LRRC37A2: variants seen among roughly 807,000 people sequenced by gnomAD.
The protein encoded by LRRC37A2 is leucine-rich repeat-containing protein 37A2.
LRRC37A2 carries 9 observed loss-of-function variants against 68.8 expected under a neutral mutation model. That is an observed-to-expected ratio of 0.13 (90% CI 0.08 to 0.23). The LOEUF is 0.23. Among genes scored for constraint, LRRC37A2 ranks in the 10% least tolerant of loss-of-function variants. The pLI, the probability that LRRC37A2 is intolerant of heterozygous loss-of-function variation, is 1.00. For synonymous variants in LRRC37A2, 63 were observed against 367.6 expected (o/e 0.17, Z 9.48); for missense variants, 168 against 950.4 (o/e 0.18, Z 10.82).
chr17:46,744,162 A>G, the LRRC37A2 span, among the ~76,000 whole-genome samples: 2 of 152,156 alleles, frequency 1.3e-5, no homozygotes, highest in African/African-American at 4.8e-5. Context: ...CTGAATATTT[A>G]TTTGGTTTTC....
chr17:46,772,202 A>C, the LRRC37A2 span, among the ~76,000 whole-genome samples: 2 of 151,952 alleles, frequency 1.3e-5, no homozygotes, highest in African/African-American at 4.8e-5. Context: ...GTCTTCCGGG[A>C]TGCTCTCCTC....
the LRRC37A2 span, among the ~76,000 whole-genome samples, chr17:46,980,364 T>C: frequency 1.0e-5 from 1 of 99,306 alleles, no homozygotes. Flanking sequence ...TCTTCTTTCT[T>C]TCTCTTCTTC....
the LRRC37A2 span, among the ~76,000 whole-genome samples, chr17:46,720,887 T>A: frequency 2.0e-5 from 3 of 152,200 alleles, no homozygotes; most frequent in Non-Finnish European, 4.4e-5. Flanking sequence ...ATGCTTGTTG[T>A]GGCTTGTGAT....
the LRRC37A2 span, among the ~76,000 whole-genome samples, chr17:47,023,511 T>A: frequency 2.6e-5 from 4 of 151,998 alleles, no homozygotes. Context: ...CGAAACCCCA[T>A]CTCTACTAAA....
At chr17:47,021,095 T>C in the LRRC37A2 span, among the ~76,000 whole-genome samples, 32 of 152,308 alleles carry the variant, frequency 2.1e-4, no homozygotes, top group Admixed American at 5.9e-4. Flanking sequence ...AATGAAGATA[T>C]GATTCTGTAA....
the LRRC37A2 span, among the ~76,000 whole-genome samples, chr17:46,839,256 G>T: frequency 6.6e-6 from 1 of 152,228 alleles, no homozygotes; most frequent in African/African-American, 2.4e-5. Flanking sequence ...TATTAGCTCT[G>T]AACTCATGCT....
the LRRC37A2 span, chr17:46,940,366 A>T: frequency 1.3e-6 from 2 of 1,503,186 alleles, no homozygotes; most frequent in South Asian, 2.6e-5. Flanking sequence ...CCAGAGTTAA[A>T]GCAGTGACTG....
At chr17:47,019,683 T>C in the LRRC37A2 span, 2 of 1,369,456 alleles carry the variant, frequency 1.5e-6, no homozygotes, top group Non-Finnish European at 2.1e-6. Context: ...CACCAACATA[T>C]GTGAGCTCTG....
chr17:47,016,088 G>A, the LRRC37A2 span, among the ~76,000 whole-genome samples: 1 of 152,122 alleles, frequency 6.6e-6, no homozygotes, highest in Admixed American at 6.5e-5. Flanking sequence ...GGGATTGCAG[G>A]TATGCACCAC....
chr17:46,984,734 C>T, the LRRC37A2 span, among the ~76,000 whole-genome samples: 2 of 152,140 alleles, frequency 1.3e-5, no homozygotes, highest in African/African-American at 4.8e-5. Flanking sequence ...GATGGACCCG[C>T]CAGAAGGAAA....
At chr17:47,025,472 T>A in the LRRC37A2 span, among the ~76,000 whole-genome samples, 2 of 152,198 alleles carry the variant, frequency 1.3e-5, no homozygotes, top group Non-Finnish European at 1.5e-5. Context: ...AAGGATTTCA[T>A]TTCAGGAATT....
chr17:46,941,634 C>T, the LRRC37A2 span: 313 of 174,784 alleles, frequency 1.8e-3, no homozygotes, highest in African/African-American at 6.4e-3. Flanking sequence ...AGTGCAGTGG[C>T]GCAATCTTGG....
chr17:46,960,694 G>A, the LRRC37A2 span, among the ~76,000 whole-genome samples: 3 of 152,216 alleles, frequency 2.0e-5, no homozygotes, highest in African/African-American at 4.8e-5. Flanking sequence ...AAAAAGGAAC[G>A]AACTACTGAA....
At chr17:46,808,816 A>G in the LRRC37A2 span, among the ~76,000 whole-genome samples, 1 of 152,104 alleles carries the variant, frequency 6.6e-6, no homozygotes, top group South Asian at 2.1e-4. Context: ...AAAAAAGAAA[A>G]AGAAACCCAG....
At chr17:46,966,646 C>T in the LRRC37A2 span, 2 of 599,374 alleles carry the variant, frequency 3.3e-6, no homozygotes, top group Admixed American at 5.2e-5. Context: ...ACCACCCTGA[C>T]CTCCAAATAC....
At chr17:46,496,404 G>A in the LRRC37A2 span, among the ~76,000 whole-genome samples, 1 of 149,294 alleles carries the variant, frequency 6.7e-6, no homozygotes, top group Non-Finnish European at 1.5e-5. Flanking sequence ...AGGAGTTCGA[G>A]TCCAGACTGG....
At chr17:46,961,528 C>G in the LRRC37A2 span, among the ~76,000 whole-genome samples, 1 of 152,124 alleles carries the variant, frequency 6.6e-6, no homozygotes, top group Admixed American at 6.6e-5. Flanking sequence ...AATTAAGACT[C>G]TGCCTCTGTT....
At chr17:46,733,759 CTT>C in the LRRC37A2 span, among the ~76,000 whole-genome samples, 1 of 152,198 alleles carries the variant, frequency 6.6e-6, no homozygotes, top group African/African-American at 2.4e-5. Flanking sequence ...TCTTTGGAAA[CTT>C]TAAACTTTTA....
At chr17:46,866,553 C>T in the LRRC37A2 span, among the ~76,000 whole-genome samples, 5 of 152,066 alleles carry the variant, frequency 3.3e-5, no homozygotes, top group African/African-American at 4.8e-5. Context: ...GCACAAAGGG[C>T]GCACTCACCA....
Sources: gnomAD v4.1 joint callset for allele counts (sites outside exome capture counted in the v4.1 genomes callset) on GRCh38, gnomAD v4.1.1 for gene constraint, MANE v1.5 for transcripts, NCBI Gene and HGNC (gene_info 2026-07-23, HGNC 2026-07-21) for gene names.